Variants in SERPINB10 observed in about 807,000 individuals in gnomAD.
SERPINB10 encodes serpin B10.
SERPINB10 carries 35 observed loss-of-function variants against 39.1 expected under a neutral mutation model. The ratio of observed to expected loss-of-function variants is 0.90; its 90% CI spans 0.68 to 1.19. The LOEUF (loss-of-function observed/expected upper bound fraction) is 1.19. Among genes scored for constraint, SERPINB10 ranks in the 50% most tolerant of loss-of-function variants. SERPINB10 has a pLI of 0.00. For synonymous variants in SERPINB10, 190 were observed against 158.1 expected, an observed-to-expected ratio of 1.20 and a Z score of -1.52; for missense variants, 546 against 460.5, an observed-to-expected ratio of 1.19 and a Z score of -1.70.
chr18:63,922,612 A>T (rs1340252497), intron 5 of SERPINB10, among the ~76,000 whole-genome samples: 2 of 151,980 alleles, frequency 1.3e-5, no homozygotes, highest in Non-Finnish European at 2.9e-5. Flanking sequence ...AGCCAAGAAG[A>T]CAGCTGTTGT....
chr18:63,918,250 G>C lies in SERPINB10; in HGVS notation c.372+148G>C, dbSNP rs1226401636. The C allele has an allele frequency of 4.2e-6, 3 of 721,420 alleles. No individual in the cohort carries two copies. In the African/African-American group the frequency reaches 5.4e-5, roughly 13 times the overall value. The allele number at this position is 721,420 out of a possible 1,614,324, so 44.7% of individuals were successfully genotyped here. ...CAAACAATCAATTAGACCAACCAAT[G>C]AGTGTCTAGTGGTAAAGGAAACCAA... On this transcript the variant is annotated intron_variant, in intron 4 of 7. Transcript: ENST00000238508.
At chr18:63,913,230 T>C (rs931041683) in intron 1 of SERPINB10, among the ~76,000 whole-genome samples, 3 of 151,976 alleles carry the variant, frequency 2.0e-5, no homozygotes, top group African/African-American at 7.2e-5. Flanking sequence ...AAACCAACTT[T>C]TGGTTTTGTT....
chr18:63,910,604 C>T (rs962074380), intron 1 of SERPINB10, among the ~76,000 whole-genome samples: 1 of 151,934 alleles, frequency 6.6e-6, no homozygotes, highest in Non-Finnish European at 1.5e-5. Flanking sequence ...TCTAGTGCAT[C>T]CATGTTGCAG....
In SERPINB10 at chr18:63,935,173, A is replaced by C; in HGVS notation, c.1125A>C (p.Pro375=). ...VPSIEFNANH[P]FLFFIRHNKT... ...CCATTGAATTCAATGCAAATCACCC[A>C]TTCCTCTTCTTCATCAGGCACAATA... Residue 375 remains proline (P), a synonymous_variant, in exon 8 of 8, where the codon CCA becomes CCC. Coordinates refer to ENST00000238508, the MANE Select transcript of SERPINB10 (RefSeq NM_005024.3). 2 of 1,612,670 alleles carry C rather than the reference A, an allele frequency of 1.2e-6. No homozygotes were observed. Among genetic ancestry groups the C allele is most frequent in the Non-Finnish European group, 8.5e-7 (1 of 1,179,776 alleles).
intron 6 of SERPINB10, among the ~76,000 whole-genome samples, chr18:63,930,727 T>C (rs997228293): frequency 6.6e-6 from 1 of 152,192 alleles, no homozygotes; most frequent in Non-Finnish European, 1.5e-5. Context: ...TCCTCTATTT[T>C]TTCAACTCTG....
chr18:63,925,286 AG>A (rs1215395393), intron 5 of SERPINB10, among the ~76,000 whole-genome samples: 1 of 152,006 alleles, frequency 6.6e-6, no homozygotes, highest in Non-Finnish European at 1.5e-5. Flanking sequence ...TACATTTCCT[AG>A]CCCCATTTGC....
chr18:63,926,983 A>T (rs544127985), intron 5 of SERPINB10, among the ~76,000 whole-genome samples: 121 of 152,162 alleles, frequency 8.0e-4, no homozygotes, highest in African/African-American at 2.8e-3. Flanking sequence ...ATAGTGTAAC[A>T]GCACCTAAAA....
intron 1 of SERPINB10, among the ~76,000 whole-genome samples, chr18:63,912,755 T>A (rs2050073788): frequency 6.6e-6 from 1 of 152,042 alleles, no homozygotes; most frequent in Non-Finnish European, 1.5e-5. Flanking sequence ...CTATTGTGTT[T>A]TTTCCAGGTT....
At chr18:63,930,002 A>G in intron 5 of SERPINB10, 43 bp from the exon 6 acceptor site, 1 of 1,596,688 alleles carries the variant, frequency 6.3e-7, no homozygotes, top group South Asian at 1.1e-5. Flanking sequence ...TAAAATATAC[A>G]TATTTCTACA....
At chr18:63,909,694 T>C (rs1236675170) in intron 1 of SERPINB10, among the ~76,000 whole-genome samples, 1 of 152,076 alleles carries the variant, frequency 6.6e-6, no homozygotes, top group African/African-American at 2.4e-5. Context: ...CCCCATTTCA[T>C]GAAGAGTGTG....
At chr18:63,913,210 T>C (rs1429208718) in intron 1 of SERPINB10, among the ~76,000 whole-genome samples, 1 of 151,994 alleles carries the variant, frequency 6.6e-6, no homozygotes, top group Non-Finnish European at 1.5e-5. Context: ...ATCATGTTTA[T>C]ACTTTCAAAA....
At chr18:63,918,541 C>T (rs1417437698) in intron 4 of SERPINB10, among the ~76,000 whole-genome samples, 3 of 152,018 alleles carry the variant, frequency 2.0e-5, no homozygotes, top group African/African-American at 4.8e-5. Context: ...ACTCTGTCCT[C>T]TGTTAAGAGG....
chr18:63,913,885 G>C (rs899666460), intron 1 of SERPINB10, among the ~76,000 whole-genome samples: 2 of 152,058 alleles, frequency 1.3e-5, no homozygotes, highest in African/African-American at 4.8e-5. Context: ...TTGTGTGTCT[G>C]TCTAAGTCTT....
chr18:63,915,646 G>A lies in SERPINB10; in HGVS notation c.136G>A (p.Ala46Thr), dbSNP rs375113713. 11 of 1,611,052 alleles carry A rather than the reference G, an allele frequency of 6.8e-6. No homozygotes were observed. Among genetic ancestry groups the A allele is most frequent in the South Asian group, 4.4e-5 (4 of 90,842 alleles). The change falls in exon 2 of 8, where the codon GCC (alanine) becomes ACC (threonine). Residue 46 changes from alanine to threonine, a missense_variant. Transcript: ENST00000238508. Reference sequence around the variant, plus strand: ...TTCCTTGACCATAGTGTATTTGGGCGCCAAAGGTACCACTGCAGCCCAAAT... The same window carrying A: ...TTCCTTGACCATAGTGTATTTGGGCACCAAAGGTACCACTGCAGCCCAAAT... ...STSLTIVYLG[A>T]KGTTAAQMAQ...
intron 7 of SERPINB10, 103 bp from the exon 8 acceptor site, chr18:63,934,735 G>A (rs906458356): frequency 3.7e-5 from 44 of 1,188,910 alleles, no homozygotes; most frequent in Non-Finnish European, 5.0e-5. Flanking sequence ...TAACGGGAGT[G>A]ATCATAATTC....
Position 63,935,496 on chromosome 18 carries a change from T to A in SERPINB10, c.*254T>A, listed in dbSNP as rs1382737785. Reference sequence around the variant, plus strand: ...ACTTTCATTTACATTTCAGAAGTACTATGCTATTCAACTGAATGCCTTACA... The same window carrying A: ...ACTTTCATTTACATTTCAGAAGTACAATGCTATTCAACTGAATGCCTTACA... On this transcript the variant is annotated 3_prime_UTR_variant, in exon 8 of 8. Transcript: ENST00000238508. 1.8e-5 allele frequency: 7 copies of A among 392,418 alleles called. No homozygotes were observed. Among genetic ancestry groups the A allele is most frequent in the Non-Finnish European group, 3.2e-5 (7 of 220,662 alleles). 24.3% of individuals were successfully genotyped at this position (392,418 alleles called of 1,614,324 possible). A position where few individuals can be genotyped will look rare whatever the true frequency, so the allele number is the denominator to read the frequency against.
At chr18:63,916,347 TAAA>T (rs67094942) in intron 2 of SERPINB10, among the ~76,000 whole-genome samples, 43 of 136,650 alleles carry the variant, frequency 3.1e-4, no homozygotes, top group Admixed American at 2.7e-3. Context: ...TGATTTTAAA[TAAA>T]AAAAAAAAAA....
chr18:63,934,370 G>C (rs140388805), intron 7 of SERPINB10, among the ~76,000 whole-genome samples: 1 of 152,074 alleles, frequency 6.6e-6, no homozygotes, highest in East Asian at 1.9e-4. Flanking sequence ...TTTTGACTTA[G>C]TCTATAATTA....
chr18:63,931,038 G>A (rs527280500), intron 6 of SERPINB10, among the ~76,000 whole-genome samples: 4 of 152,296 alleles, frequency 2.6e-5, no homozygotes, highest in South Asian at 2.1e-4. Context: ...GTAGGTTAAC[G>A]AGAAGTGAGC....
Sources: allele counts gnomAD v4.1 joint callset (sites outside exome capture counted in the v4.1 genomes callset), GRCh38; gene constraint gnomAD v4.1.1; transcripts MANE v1.5; gene names NCBI Gene and HGNC (gene_info 2026-07-23, HGNC 2026-07-21).